SERPINI1: variants seen among roughly 807,000 people sequenced by gnomAD.
SERPINI1 encodes neuroserpin.
Under a neutral mutation model 41.1 loss-of-function variants are expected in SERPINI1, and 19 were observed. The ratio of observed to expected loss-of-function variants is 0.46; its 90% CI spans 0.32 to 0.68. The LOEUF (loss-of-function observed/expected upper bound fraction) is 0.68. SERPINI1 is among the 30% of genes least tolerant of loss of function. SERPINI1 has a pLI of 0.03. For synonymous variants in SERPINI1, 138 were observed against 156.6 expected (o/e 0.88, Z 0.89); for missense variants, 460 against 479.2 (o/e 0.96, Z 0.37).
chr3:167,818,248 G>A (rs902178469), intron 6 of SERPINI1, among the ~76,000 whole-genome samples: 1 of 150,794 alleles, frequency 6.6e-6, no homozygotes, highest in Non-Finnish European at 1.5e-5. Context: ...CCCTGGTCTC[G>A]AACTCCTGAC....
In SERPINI1 at chr3:167,794,571, T is replaced by C. The variant is rs1727650633; in HGVS notation, c.677-49T>C. 3 of 1,544,330 alleles carry C rather than the reference T, an allele frequency of 1.9e-6. No homozygotes were observed. The African/African-American group carries it at 4.1e-5, about 21-fold the overall frequency. ...AGTCTTTCATCTCTCGCCCCCAGCTTTTTTTAAGCTTTGATAGGCATCTTT... is the reference window on the plus strand; with the variant it reads ...AGTCTTTCATCTCTCGCCCCCAGCTCTTTTTAAGCTTTGATAGGCATCTTT... On this transcript the variant is annotated intron_variant, in intron 4 of 8. Transcript: ENST00000446050.
chr3:167,779,463 A>G (rs1577413377), intron 1 of SERPINI1, among the ~76,000 whole-genome samples: 1 of 152,180 alleles, frequency 6.6e-6, no homozygotes, highest in South Asian at 2.1e-4. Flanking sequence ...GCATTCCACT[A>G]TACATGTATA....
intron 1 of SERPINI1, among the ~76,000 whole-genome samples, chr3:167,753,209 G>C (rs900513828): frequency 6.6e-6 from 1 of 151,990 alleles, no homozygotes; most frequent in African/African-American, 2.4e-5. Flanking sequence ...AATGTGGTAT[G>C]GTTTCAAATC....
At chr3:167,819,986 C>T (rs1336919756) in intron 6 of SERPINI1, among the ~76,000 whole-genome samples, 1 of 152,140 alleles carries the variant, frequency 6.6e-6, no homozygotes, top group African/African-American at 2.4e-5. Flanking sequence ...AAAGTTGAAA[C>T]CCCAAGATTG....
chr3:167,761,513 A>G (rs1316398739), intron 1 of SERPINI1, among the ~76,000 whole-genome samples: 2 of 152,152 alleles, frequency 1.3e-5, no homozygotes, highest in East Asian at 3.8e-4. Flanking sequence ...ATTCTACCTT[A>G]ACCCACCCTC....
Position 167,780,806 on chromosome 3 carries a change from A to G in SERPINI1, c.-18-8305A>G, listed in dbSNP as rs189663081. ...GTACAGTCCTATTGAGGACAAGTCC[A>G]CATCCAAATTTAAGGAAAACTACTG... On this transcript the variant is annotated intron_variant, in intron 1 of 8. Transcript: ENST00000446050. Among the ~76,000 whole-genome samples, 8 of 152,296 alleles carry G rather than the reference A, an allele frequency of 5.3e-5. No homozygotes were observed. In the East Asian group the frequency reaches 5.8e-4, roughly 11 times the overall value.
intron 3 of SERPINI1, among the ~76,000 whole-genome samples, chr3:167,791,162 T>A (rs893835584): frequency 6.6e-6 from 1 of 152,182 alleles, no homozygotes; most frequent in Non-Finnish European, 1.5e-5. Context: ...ATTTTTAAAA[T>A]GTATTTAGGG....
intron 5 of SERPINI1, among the ~76,000 whole-genome samples, chr3:167,797,072 A>G (rs1457369379): frequency 3.9e-5 from 6 of 152,178 alleles, no homozygotes; most frequent in Non-Finnish European, 7.3e-5. Flanking sequence ...ATGAGATGGT[A>G]TCTCACTGTG....
intron 6 of SERPINI1, among the ~76,000 whole-genome samples, chr3:167,807,852 C>T (rs995896739): frequency 1.3e-5 from 2 of 152,120 alleles, no homozygotes; most frequent in African/African-American, 4.8e-5. Flanking sequence ...CATAGTGGCT[C>T]ATGCCTGTAA....
chr3:167,815,744 G>C (rs1039312186), intron 6 of SERPINI1, among the ~76,000 whole-genome samples: 23 of 152,084 alleles, frequency 1.5e-4, no homozygotes, highest in Non-Finnish European at 4.4e-5. Context: ...GTGTTTTTCT[G>C]AAGGCTGATT....
chr3:167,807,837 C>T (rs961458175), intron 6 of SERPINI1, among the ~76,000 whole-genome samples: 1 of 152,086 alleles, frequency 6.6e-6, no homozygotes, highest in Non-Finnish European at 1.5e-5. Flanking sequence ...AAACAGTGGG[C>T]TGGGCATAGT....
rs770484017 is a variant in SERPINI1 at position 167,792,783 on chromosome 3, T to C, written c.675T>C (p.Tyr225=). Residue 225 remains tyrosine, a splice_region_variant and synonymous_variant, in exon 4 of 9, where the codon TAT becomes TAC. Transcript: ENST00000446050. ...PMMYQQGEFY[Y]GEFSDGSNEA... is the part of the protein sequence containing the mutation. Reference sequence around the variant, plus strand: ...TGTATCAGCAAGGAGAATTTTATTATGGTAAGACATTTTTTGCTTTTATTT... The same window carrying C: ...TGTATCAGCAAGGAGAATTTTATTACGGTAAGACATTTTTTGCTTTTATTT... 4 of 1,612,200 alleles carry C rather than the reference T, an allele frequency of 2.5e-6. No individual in the cohort carries two copies. The highest frequency in any genetic ancestry group is 4.5e-5 in the East Asian group (2 of 44,856).
intron 1 of SERPINI1, among the ~76,000 whole-genome samples, chr3:167,756,810 C>T (rs971451677): frequency 1.3e-5 from 2 of 152,142 alleles, no homozygotes; most frequent in Non-Finnish European, 2.9e-5. Context: ...CCAAAGAAGA[C>T]CAGAACATCT....
At position 167,818,907 on chromosome 3, in the gene SERPINI1, G is replaced by A. The variant is rs150727974; in HGVS notation, c.980-4079G>A. On this transcript the variant is annotated intron_variant, in intron 6 of 8. Coordinates refer to ENST00000446050, the MANE Select transcript of SERPINI1 (RefSeq NM_001122752.2). ...TGATGTAGTTGGAATATTATGTGGT[G>A]TCTTTGAGGAGAACCCCTTTTAGAA... Among the ~76,000 whole-genome samples the A allele has an allele frequency of 3.3e-4, 51 of 152,322 alleles. No homozygotes were observed. In the East Asian group the frequency reaches 8.1e-3, roughly 24 times the overall value.
chr3:167,781,483 G>A (rs1727122738), intron 1 of SERPINI1, among the ~76,000 whole-genome samples: 1 of 151,886 alleles, frequency 6.6e-6, no homozygotes, highest in African/African-American at 2.4e-5. Context: ...CAATATATTA[G>A]CAGAACAAAA....
intron 1 of SERPINI1, among the ~76,000 whole-genome samples, chr3:167,752,899 G>C (rs1351568056): frequency 6.6e-6 from 1 of 152,052 alleles, no homozygotes; most frequent in Non-Finnish European, 1.5e-5. Context: ...CTTGCTTAGA[G>C]AGGCCTTCCC....
intron 1 of SERPINI1, among the ~76,000 whole-genome samples, chr3:167,773,654 C>G (rs1037985843): frequency 3.3e-5 from 5 of 152,130 alleles, no homozygotes; most frequent in African/African-American, 1.2e-4. Context: ...TGAACAGGAA[C>G]AGGAAACCAA....
chr3:167,768,534 A>G (rs1454392760), intron 1 of SERPINI1, among the ~76,000 whole-genome samples: 2 of 152,230 alleles, frequency 1.3e-5, no homozygotes, highest in African/African-American at 4.8e-5. Context: ...CTTGTGGGTT[A>G]AAAACAAAAG....
intron 1 of SERPINI1, among the ~76,000 whole-genome samples, chr3:167,760,644 C>T (rs990304928): frequency 1.4e-4 from 21 of 151,134 alleles, no homozygotes; most frequent in Admixed American, 4.6e-4. Context: ...CCTGTTTAAA[C>T]GCTATGGGTT....
Sources: allele counts gnomAD v4.1 joint callset (sites outside exome capture counted in the v4.1 genomes callset), GRCh38; gene constraint gnomAD v4.1.1; transcripts MANE v1.5; gene names NCBI Gene and HGNC (gene_info 2026-07-23, HGNC 2026-07-21).